The following USB1 variants were observed in gnomAD, a reference collection of about 807,000 sequenced individuals.
The protein encoded by USB1 is U6 snRNA phosphodiesterase 1.
USB1 carries 21 observed loss-of-function variants against 29.9 expected under a neutral mutation model. The observed-to-expected ratio is 0.70, with a 90% CI of 0.50 to 1.01. USB1 has a LOEUF of 1.01. USB1 is among the 50% of genes least tolerant of loss of function. The pLI is 0.00. For synonymous variants in USB1, 143 were observed against 134.9 expected, an observed-to-expected ratio of 1.06 and a Z score of -0.42; for missense variants, 330 against 347.1, an observed-to-expected ratio of 0.95 and a Z score of 0.39.
intron 4 of USB1, among the ~76,000 whole-genome samples, chr16:58,014,812 C>T (rs2142309082): frequency 6.6e-6 from 1 of 151,840 alleles, no homozygotes; most frequent in Non-Finnish European, 1.5e-5. Context: ...TGCGGTGGCT[C>T]ACGCTTGTAA....
chr16:58,002,099 TC>T (rs1464486376), intron 1 of USB1, among the ~76,000 whole-genome samples: 2 of 152,212 alleles, frequency 1.3e-5, no homozygotes, highest in African/African-American at 4.8e-5. Flanking sequence ...GCTCAGTTGA[TC>T]CCACAATTGC....
chr16:58,013,285 G>C lies in USB1; in HGVS notation c.450-988G>C, dbSNP rs1307244394. On this transcript the variant is annotated intron_variant, in intron 3 of 6. Coordinates refer to ENST00000219281, the MANE Select transcript of USB1 (RefSeq NM_024598.4). The surrounding 1 kb of genome is among the most constrained non-coding windows in gnomAD (Gnocchi z 4.3). Reference sequence around the variant, plus strand: ...CTCCAGGATGTTTGGGAGACACCTTGAGAACTCTTCCTAAAAGCTGCACTT... The same window carrying C: ...CTCCAGGATGTTTGGGAGACACCTTCAGAACTCTTCCTAAAAGCTGCACTT... 1.0e-6 allele frequency: 1 copy of C among 985,320 alleles called. No homozygotes were observed. Among genetic ancestry groups the C allele is most frequent in the Non-Finnish European group, 1.2e-6 (1 of 829,954 alleles). The allele number at this position is 985,320 out of a possible 1,614,324, so 61.0% of individuals were successfully genotyped here. A position where few individuals can be genotyped will look rare whatever the true frequency, so the allele number is the denominator to read the frequency against.
At chr16:58,019,255 A>C (rs981236343) in intron 6 of USB1, among the ~76,000 whole-genome samples, 200 bp downstream of exon 6, 1 of 152,026 alleles carries the variant, frequency 6.6e-6, no homozygotes, top group African/African-American at 2.4e-5. Flanking sequence ...GCTTATTAAC[A>C]ACACAGATCT....
rs1963185397 is a variant in USB1, at chr16:58,001,459, C to T, written c.-25C>T. 6.3e-7 allele frequency: 1 copy of T among 1,582,014 alleles called. No individual in the cohort carries two copies. The highest frequency in any genetic ancestry group is 1.3e-5 in the African/African-American group (1 of 74,130). ...CCGGTTGAGGTTGCTGGTGGACCTGCTCTGGTGGTCTTGGATGAGGCCCCA... is the reference window on the plus strand; with the variant it reads ...CCGGTTGAGGTTGCTGGTGGACCTGTTCTGGTGGTCTTGGATGAGGCCCCA... On this transcript the variant is annotated 5_prime_UTR_variant, in exon 1 of 7. Coordinates refer to ENST00000219281, the MANE Select transcript of USB1 (RefSeq NM_024598.4).
intron 2 of USB1, among the ~76,000 whole-genome samples, chr16:58,006,328 G>A (rs1963353779): frequency 7.0e-6 from 1 of 142,822 alleles, no homozygotes; most frequent in South Asian, 2.2e-4. Flanking sequence ...CTCCGTCCTG[G>A]TCAACAAGAG....
At chr16:58,012,542 C>A in intron 3 of USB1, 1 of 1,353,322 alleles carries the variant, frequency 7.4e-7, no homozygotes. Flanking sequence ...GCCACCGCAT[C>A]TCCCGGCTAA....
intron 3 of USB1, chr16:58,010,687 G>A (rs1292066261): frequency 2.0e-5 from 6 of 296,042 alleles, no homozygotes; most frequent in African/African-American, 4.3e-5. Context: ...CCACTTACTA[G>A]GGCGCCAGTT....
chr16:58,000,129 G>A (rs1023957767), upstream of USB1, among the ~76,000 whole-genome samples: 1 of 152,166 alleles, frequency 6.6e-6, no homozygotes, highest in African/African-American at 2.4e-5. The surrounding 1 kb of genome is among the most constrained non-coding windows in gnomAD (Gnocchi z 4.5). Flanking sequence ...GCCCAGCTGG[G>A]CTGCGTCCTG....
upstream of USB1, chr16:58,001,344 G>T: frequency 1.0e-6 from 1 of 954,586 alleles, no homozygotes; most frequent in Non-Finnish European, 1.6e-6. Context: ...TGTCCTGCCG[G>T]GTTCCGCCCC....
Position 58,013,675 on chromosome 16 carries a change from GACA to G in USB1, c.450-593_450-591del, listed in dbSNP as rs1353814137. 1.1e-5 allele frequency: 11 copies of G among 960,684 alleles called. No homozygotes were observed. The highest frequency in any genetic ancestry group is 1.4e-5 in the Non-Finnish European group (11 of 806,016). 59.5% of individuals were successfully genotyped at this position (960,684 alleles called of 1,614,324 possible). ...TTCCCCTCACGAAAGCGTCATAGGT[GACA>G]ACAAGGACTCTGGAAACAGGCAGAC... On this transcript the variant is annotated intron_variant, in intron 3 of 6. Transcript: ENST00000219281. This position sits in a 1 kb window ranked among gnomAD's most constrained non-coding sequence, Gnocchi z 4.3.
intron 2 of USB1, among the ~76,000 whole-genome samples, chr16:58,003,760 T>G (rs1963287940): frequency 6.6e-6 from 1 of 152,216 alleles, no homozygotes; most frequent in African/African-American, 2.4e-5. Flanking sequence ...TTTAATCATT[T>G]TTGTTTATTT....
At position 58,013,629 on chromosome 16, in the gene USB1, G is replaced by A. The variant is rs546096117; in HGVS notation, c.450-644G>A. 7.6e-4 allele frequency: 745 copies of A among 985,850 alleles called. 7 individuals carry two copies. The African/African-American group carries it at 0.012, about 16-fold the overall frequency. 61.1% of individuals were successfully genotyped at this position (985,850 alleles called of 1,614,324 possible). On this transcript the variant is annotated intron_variant, in intron 3 of 6. Transcript: ENST00000219281. This position sits in a 1 kb window ranked among gnomAD's most constrained non-coding sequence, Gnocchi z 4.3. ...GTGGGTGGGTGGGGGCATCTGTCTC[G>A]ATTTCACACCAACAGACCTATTCCC...
At chr16:58,012,777 A>G in intron 3 of USB1, 1 of 1,012,522 alleles carries the variant, frequency 9.9e-7, no homozygotes, top group Non-Finnish European at 1.2e-6. Flanking sequence ...GGCACACTGC[A>G]CTTGCGCTAG....
intron 3 of USB1, chr16:58,011,803 C>CT (rs1434965416): frequency 1.0e-6 from 1 of 988,152 alleles, no homozygotes; most frequent in African/African-American, 1.7e-5. Context: ...TGGCTTCTCT[C>CT]TGAATTGCCC....
upstream of USB1, chr16:58,000,287 A>G (rs1247878433): frequency 1.3e-5 from 2 of 151,842 alleles, no homozygotes; most frequent in East Asian, 3.9e-4. This position sits in a 1 kb window ranked among gnomAD's most constrained non-coding sequence, Gnocchi z 4.5. Flanking sequence ...GAAGCTCAAG[A>G]GGCCGCTAGG....
Position 58,002,466 on chromosome 16 carries a change from T to C in USB1, c.99-13T>C. The C allele has an allele frequency of 6.2e-7, 1 of 1,613,640 alleles. No individual in the cohort carries two copies. The highest frequency in any genetic ancestry group is 8.5e-7 in the Non-Finnish European group (1 of 1,180,040). ...AGGATAAATGTACTCATTTTTCTTT[T>C]TTTCTTTTGCAGTGGCCAGAGCCCC... is the stretch of plus-strand genomic sequence containing the variant. On this transcript the variant is annotated splice_polypyrimidine_tract_variant and intron_variant, in intron 1 of 6. Transcript: ENST00000219281.
Position 58,002,602 on chromosome 16 carries a change from C to T in USB1, c.222C>T (p.Phe74=). ...AACACGGGGGACGGGTGCGCACCTT[C>T]CCCCACGAGCGAGGCAACTGGGCCA... ...STKHGGRVRT[F]PHERGNWATH... is the part of the protein sequence containing the mutation. The change falls in exon 2 of 7, where the codon TTC becomes TTT. Residue 74 remains phenylalanine (F), a synonymous_variant. Coordinates refer to ENST00000219281, the MANE Select transcript of USB1 (RefSeq NM_024598.4). 1 of 1,613,992 alleles carries T rather than the reference C, an allele frequency of 6.2e-7. No individual in the cohort carries two copies. The highest frequency in any genetic ancestry group is 1.7e-4 in the Middle Eastern group (1 of 6,056).
At chr16:58,012,185 A>C in intron 3 of USB1, 2 of 1,473,314 alleles carry the variant, frequency 1.4e-6, no homozygotes, top group Non-Finnish European at 1.8e-6. Context: ...GGAGGACAGG[A>C]TTTGTCCCAA....
intron 2 of USB1, among the ~76,000 whole-genome samples, chr16:58,009,042 G>A (rs1221568954): frequency 6.6e-6 from 1 of 152,090 alleles, no homozygotes; most frequent in Admixed American, 6.6e-5. Flanking sequence ...TATATTTAAG[G>A]GGTTCTGATG....
Sources: allele counts gnomAD v4.1 joint callset (sites outside exome capture counted in the v4.1 genomes callset), GRCh38; gene constraint gnomAD v4.1.1; non-coding constraint Gnocchi (gnomAD v3.1); transcripts MANE v1.5; gene names NCBI Gene and HGNC (gene_info 2026-07-23, HGNC 2026-07-21).